The following MYO18B variants were observed in gnomAD, a reference collection of about 807,000 sequenced individuals.
MYO18B encodes unconventional myosin-XVIIIb.
A neutral mutation model predicts 273.0 loss-of-function variants in MYO18B; 204 were observed. The observed-to-expected ratio is 0.75, with a 90% CI of 0.67 to 0.84. MYO18B has a LOEUF of 0.84. Among genes scored for constraint, MYO18B ranks in the 40% least tolerant of loss-of-function variants. The pLI is 0.00. For synonymous variants in MYO18B, 1,330 were observed against 1,305.7 expected (o/e 1.02, Z -0.40); for missense variants, 3,212 against 3,287.6 (o/e 0.98, Z 0.56).
intron 21 of MYO18B, among the ~76,000 whole-genome samples, chr22:25,857,719 T>C (rs574456900): frequency 6.6e-6 from 1 of 152,360 alleles, no homozygotes; most frequent in East Asian, 1.9e-4. Flanking sequence ...AGTGGTGCTA[T>C]CTCGGCTCAC....
intron 21 of MYO18B, among the ~76,000 whole-genome samples, chr22:25,867,093 C>T (rs1429916687): frequency 6.6e-6 from 1 of 151,944 alleles, no homozygotes; most frequent in Non-Finnish European, 1.5e-5. Flanking sequence ...GAAAAAAAGC[C>T]CCTTCATTTA....
In MYO18B at chr22:25,843,750, G is replaced by A. The variant is rs752415815; in HGVS notation, c.3224G>A (p.Arg1075Gln). ...CTGTTTCCAGGGTCCTCTGCCCTGC[G>A]GACCTGTGAGCAGCCCCTCCAGTGT... ...GAGTEGSSALRTCEQPLQCEI... is the reference protein window; with the variant it reads ...GAGTEGSSALQTCEQPLQCEI... The change falls in exon 18 of 44, where the codon CGG becomes CAG. Residue 1075 changes from arginine (R) to glutamine (Q), a missense_variant. Coordinates refer to ENST00000335473, the MANE Select transcript of MYO18B (RefSeq NM_032608.7). 1.1e-5 allele frequency: 17 copies of A among 1,613,302 alleles called. No individual in the cohort carries two copies. In the African/African-American group the frequency reaches 1.1e-4, roughly 10 times the overall value.
chr22:25,963,800 T>C (rs1228742497), intron 39 of MYO18B, among the ~76,000 whole-genome samples: 2 of 151,794 alleles, frequency 1.3e-5, no homozygotes, highest in Admixed American at 6.6e-5. Flanking sequence ...TTAAATGAGA[T>C]CATGTATACA....
Position 25,851,586 on chromosome 22 carries a change from G to A in MYO18B, c.3885+7G>A. Reference sequence around the variant, plus strand: ...GGGAATAGATGAAAGGAAGGTAGGTGGAGCACATGCGAGAGGGGTGAAGGC... The same window carrying A: ...GGGAATAGATGAAAGGAAGGTAGGTAGAGCACATGCGAGAGGGGTGAAGGC... On this transcript the variant is annotated splice_region_variant and intron_variant, in intron 21 of 43. Coordinates refer to ENST00000335473, the MANE Select transcript of MYO18B (RefSeq NM_032608.7). The A allele has an allele frequency of 6.5e-7, 1 of 1,540,652 alleles. No individual in the cohort carries two copies. Among genetic ancestry groups the A allele is most frequent in the Non-Finnish European group, 8.8e-7 (1 of 1,136,170 alleles).
At position 25,901,173 on chromosome 22, in the gene MYO18B, C is replaced by G. The variant is rs550413341; in HGVS notation, c.4824-1440C>G. The G allele has an allele frequency of 4.6e-5, 7 of 152,310 alleles. No individual in the cohort carries two copies. In the South Asian group the frequency reaches 1.5e-3, roughly 32 times the overall value. 9.4% of individuals were successfully genotyped at this position (152,310 alleles called of 1,614,324 possible). Reference sequence around the variant, plus strand: ...CAGGAGGGCTCCATTATGATTGGGTCTCTCAGAAGTCTGAGACTTTGAATG... The same window carrying G: ...CAGGAGGGCTCCATTATGATTGGGTGTCTCAGAAGTCTGAGACTTTGAATG... On this transcript the variant is annotated intron_variant, in intron 29 of 43. Coordinates refer to ENST00000335473, the MANE Select transcript of MYO18B (RefSeq NM_032608.7).
At position 25,876,285 on chromosome 22, in the gene MYO18B, C is replaced by T; in HGVS notation, c.4177C>T (p.Pro1393Ser). The stretch of plus-strand genomic sequence containing the variant: ...GTGGCAGCTGCTTGGTTCCCTCCAG[C>T]CTCTACTTAGTGCCACCATTGGAAC... ...PWWQLLGSLQ[P>S]LLSATIGTEQ... Residue 1393 changes from proline (P) to serine (S), a missense_variant, in exon 24 of 44, where the codon CCT becomes TCT. Pro to Ser is a moderately conservative substitution (Grantham distance 74). Coordinates refer to ENST00000335473, the MANE Select transcript of MYO18B (RefSeq NM_032608.7). 6.2e-7 allele frequency: 1 copy of T among 1,613,508 alleles called. No individual in the cohort carries two copies. The highest frequency in any genetic ancestry group is 2.2e-5 in the East Asian group (1 of 44,868).
At position 25,883,857 on chromosome 22, in the gene MYO18B, C is replaced by T. The variant is rs2091418049; in HGVS notation, c.4314+5809C>T. Among the ~76,000 whole-genome samples, 1 of 152,212 alleles carries T rather than the reference C, an allele frequency of 6.6e-6. No individual in the cohort carries two copies. The highest frequency in any genetic ancestry group is 2.4e-5 in the African/African-American group (1 of 41,468). On this transcript the variant is annotated intron_variant, in intron 25 of 43. Coordinates refer to ENST00000335473, the MANE Select transcript of MYO18B (RefSeq NM_032608.7). The surrounding 1 kb of genome is among the most constrained non-coding windows in gnomAD (Gnocchi z 7.6). The stretch of plus-strand genomic sequence containing the variant: ...GAGCAGAAGAGGAGATGAGGAGCCT[C>T]TAAGAATCTGGCTATAAATACTCTT...
chr22:26,033,271 CCA>C (rs1187735945), downstream of MYO18B, among the ~76,000 whole-genome samples: 1 of 152,160 alleles, frequency 6.6e-6, no homozygotes, highest in Admixed American at 6.5e-5. Flanking sequence ...GCACCGTTCC[CCA>C]CACCCAAGCT....
intron 1 of MYO18B, among the ~76,000 whole-genome samples, chr22:25,759,871 T>C (rs1007846418): frequency 6.6e-6 from 1 of 152,200 alleles, no homozygotes; most frequent in Admixed American, 6.5e-5. Context: ...GCTCTTTCAA[T>C]GCTACAGTCA....
intron 12 of MYO18B, among the ~76,000 whole-genome samples, chr22:25,804,949 G>A (rs1471112209): frequency 6.6e-6 from 1 of 152,198 alleles, no homozygotes; most frequent in Non-Finnish European, 1.5e-5. Context: ...AGGTGTGGTG[G>A]GCTTGCCTGC....
chr22:25,815,727 G>A (rs1193634558), intron 12 of MYO18B, among the ~76,000 whole-genome samples: 1 of 152,114 alleles, frequency 6.6e-6, no homozygotes, highest in Admixed American at 6.5e-5. Context: ...CCTTCCTCTT[G>A]TAAATTCCGC....
At chr22:25,761,346 C>A (rs77118168) in intron 2 of MYO18B, among the ~76,000 whole-genome samples, 1 of 140,558 alleles carries the variant, frequency 7.1e-6, no homozygotes, top group Non-Finnish European at 1.6e-5. Context: ...CTTGACGCCC[C>A]CCCGAGGGCT....
intron 42 of MYO18B, among the ~76,000 whole-genome samples, chr22:26,013,106 T>C (rs1451958941): frequency 1.3e-4 from 17 of 130,204 alleles, no homozygotes; most frequent in Admixed American, 1.2e-3. Context: ...TTTCTTTCGA[T>C]ATTTTTTCAA....
At chr22:25,805,748 C>T (rs1198588088) in intron 12 of MYO18B, among the ~76,000 whole-genome samples, 1 of 152,202 alleles carries the variant, frequency 6.6e-6, no homozygotes, top group Non-Finnish European at 1.5e-5. Flanking sequence ...TGCTGTGGCT[C>T]AGCTGCAGAG....
At chr22:25,788,399 GTGAA>G (rs2087491422) in intron 11 of MYO18B, among the ~76,000 whole-genome samples, 1 of 152,188 alleles carries the variant, frequency 6.6e-6, no homozygotes, top group Admixed American at 6.5e-5. Flanking sequence ...CCAGTTAAAT[GTGAA>G]TTTCAGATAA....
intron 42 of MYO18B, among the ~76,000 whole-genome samples, chr22:26,019,995 G>T (rs956254234): frequency 1.3e-5 from 2 of 151,188 alleles, no homozygotes; most frequent in Non-Finnish European, 3.0e-5. Context: ...TGAGTTTCCC[G>T]TCAGCCTTCT....
At chr22:26,024,901 T>C (rs1326647248) in intron 42 of MYO18B, among the ~76,000 whole-genome samples, 1 of 152,200 alleles carries the variant, frequency 6.6e-6, no homozygotes, top group Non-Finnish European at 1.5e-5. Context: ...TTCTAGAGGC[T>C]GGGAAATCTA....
At chr22:26,037,677 G>C in the MYO18B span, among the ~76,000 whole-genome samples, 1 of 152,200 alleles carries the variant, frequency 6.6e-6, no homozygotes, top group African/African-American at 2.4e-5. Context: ...AAAATGGGGT[G>C]GGGTAAGAGG....
chr22:25,744,732 C>CAAAAAT (rs763381707), intron 1 of MYO18B, among the ~76,000 whole-genome samples: 4 of 151,856 alleles, frequency 2.6e-5, no homozygotes, highest in South Asian at 4.2e-4. Context: ...GACTCCGTCT[C>CAAAAAT]AAAAATAAAA....
Sources: allele counts gnomAD v4.1 joint callset (sites outside exome capture counted in the v4.1 genomes callset), GRCh38; gene constraint gnomAD v4.1.1; non-coding constraint Gnocchi (gnomAD v3.1); transcripts MANE v1.5; gene names NCBI Gene and HGNC (gene_info 2026-07-23, HGNC 2026-07-21).